CEP112: variants seen among roughly 807,000 people sequenced by gnomAD.
CEP112 encodes the protein centrosomal protein 112.
In CEP112, 127 loss-of-function variants were observed where a neutral mutation model predicts 153.0. That is an observed-to-expected ratio of 0.83 (90% CI 0.72 to 0.96). The LOEUF is 0.96. CEP112 is among the 40% of genes least tolerant of loss of function. CEP112 has a pLI of 0.00. For missense variants in CEP112, 1,089 were observed against 1,101.2 expected (o/e 0.99, Z 0.16); for synonymous variants, 358 against 374.4 (o/e 0.96, Z 0.51).
At chr17:65,770,361 T>C (rs1418519683) in intron 21 of CEP112, among the ~76,000 whole-genome samples, 1 of 151,686 alleles carries the variant, frequency 6.6e-6, no homozygotes, top group Non-Finnish European at 1.5e-5. Flanking sequence ...AAAAAAAAAA[T>C]CTGTTAATCT....
chr17:65,922,092 T>A (rs747576053), intron 19 of CEP112, among the ~76,000 whole-genome samples: 2 of 152,142 alleles, frequency 1.3e-5, no homozygotes, highest in Non-Finnish European at 2.9e-5. Flanking sequence ...GTAATGCCAC[T>A]AGCATGTATA....
intron 24 of CEP112, among the ~76,000 whole-genome samples, chr17:65,650,034 ACCT>A (rs1041280599): frequency 6.6e-6 from 1 of 152,198 alleles, no homozygotes; most frequent in African/African-American, 2.4e-5. Context: ...CCACCTGCTA[ACCT>A]CCTGCAACTC....
intron 20 of CEP112, among the ~76,000 whole-genome samples, chr17:65,853,472 T>G (rs1355855861): frequency 6.6e-6 from 1 of 152,180 alleles, no homozygotes; most frequent in African/African-American, 2.4e-5. Flanking sequence ...GACTCATGTC[T>G]GTAATCCCAG....
chr17:65,836,138 T>A (rs1038014811), intron 21 of CEP112, among the ~76,000 whole-genome samples: 1 of 151,974 alleles, frequency 6.6e-6, no homozygotes, highest in Non-Finnish European at 1.5e-5. Context: ...TAGCACAGAA[T>A]CAATAGATAC....
chr17:66,125,952 A>T (rs1307189509), intron 6 of CEP112, among the ~76,000 whole-genome samples: 2 of 152,204 alleles, frequency 1.3e-5, no homozygotes, highest in Non-Finnish European at 2.9e-5. Flanking sequence ...AATAATGACC[A>T]TGATTTTTAG....
chr17:65,839,756 C>T (rs572221986), intron 21 of CEP112, among the ~76,000 whole-genome samples: 2 of 151,848 alleles, frequency 1.3e-5, no homozygotes, highest in Non-Finnish European at 2.9e-5. Flanking sequence ...ACAACATGAT[C>T]ATATATTAAG....
rs192367889 is a variant in CEP112, at chr17:65,866,637, C to T, written c.2164-14603G>A. The stretch of plus-strand genomic sequence containing the variant: ...CCCCTCTGAGGCCCATAAAAAGCCC[C>T]GGACCCAGCCATATCAGAAGAGACA... On this transcript the variant is annotated intron_variant, in intron 20 of 26. Coordinates refer to ENST00000535342, the MANE Select transcript of CEP112 (RefSeq NM_001199165.4). Among the ~76,000 whole-genome samples the T allele has an allele frequency of 8.6e-3, 1,315 of 152,220 alleles. 21 individuals carry two copies. The highest frequency in any genetic ancestry group is 0.016 in the Non-Finnish European group (1,064 of 67,996).
intron 6 of CEP112, among the ~76,000 whole-genome samples, chr17:66,128,502 C>T (rs2069969173): frequency 6.6e-6 from 1 of 152,016 alleles, no homozygotes; most frequent in South Asian, 2.1e-4. Flanking sequence ...ATAACAATCC[C>T]TAATGTCAGT....
chr17:65,885,405 C>CT (rs1329076259), intron 20 of CEP112, among the ~76,000 whole-genome samples: 1 of 152,022 alleles, frequency 6.6e-6, no homozygotes, highest in Non-Finnish European at 1.5e-5. Flanking sequence ...TCATAAATGA[C>CT]TTTTTTCCAG....
At chr17:66,138,288 G>C (rs867585298) in intron 4 of CEP112, among the ~76,000 whole-genome samples, 2 of 152,188 alleles carry the variant, frequency 1.3e-5, no homozygotes, top group African/African-American at 4.8e-5. Context: ...AATCATGATA[G>C]GTGAGGGGTC....
At chr17:66,058,833 C>G (rs1258218619) in intron 11 of CEP112, among the ~76,000 whole-genome samples, 1 of 152,130 alleles carries the variant, frequency 6.6e-6, no homozygotes, top group Non-Finnish European at 1.5e-5. Context: ...GACTGGGTGA[C>G]AGAGCAAGAC....
At chr17:65,964,039 G>T (rs1292813571) in intron 17 of CEP112, among the ~76,000 whole-genome samples, 1 of 152,168 alleles carries the variant, frequency 6.6e-6, no homozygotes. Flanking sequence ...GCCATTCCAG[G>T]TCATGAGGCA....
chr17:65,997,476 T>C lies in CEP112; in HGVS notation c.1736+8214A>G, dbSNP rs544525157. Among the ~76,000 whole-genome samples the C allele has an allele frequency of 2.0e-5, 3 of 152,268 alleles. No homozygotes were observed. In the South Asian group the frequency reaches 6.2e-4, roughly 32 times the overall value. ...TCCAGAAACCTGGTTTACACTCTGCTCCACTCCTTACTGGCTTAAGTGATT... is the reference window on the plus strand; with the variant it reads ...TCCAGAAACCTGGTTTACACTCTGCCCCACTCCTTACTGGCTTAAGTGATT... On this transcript the variant is annotated intron_variant, in intron 17 of 26. Transcript: ENST00000535342.
In CEP112 at chr17:65,660,177, CTCCT is replaced by C. The variant is rs71158401; in HGVS notation, c.2698-19116_2698-19113del. On this transcript the variant is annotated intron_variant, in intron 24 of 26. Coordinates refer to ENST00000535342, the MANE Select transcript of CEP112 (RefSeq NM_001199165.4). ...ATTGGAGACTAATATACCTTGATTT[CTCCT>C]TCCTTCCTTCCTTCCTTCCTTCCTT... Among the ~76,000 whole-genome samples the C allele has an allele frequency of 1.5e-3, 209 of 139,480 alleles. 3 individuals carry two copies. The East Asian group carries it at 0.017, about 11-fold the overall frequency. The allele number at this position is 139,480 out of a possible 152,430, so 91.5% of individuals were successfully genotyped here. A position where few individuals can be genotyped will look rare whatever the true frequency, so the allele number is the denominator to read the frequency against.
chr17:65,951,749 C>CCCACCCCG (rs71160510), intron 18 of CEP112, among the ~76,000 whole-genome samples: 2 of 106,146 alleles, frequency 1.9e-5, no homozygotes, highest in Non-Finnish European at 4.0e-5. Context: ...CCCCGCCCCC[C>CCCACCCCG]CCTTTCTTCC....
At chr17:65,860,064 G>GT (rs2058262922) in intron 20 of CEP112, among the ~76,000 whole-genome samples, 1 of 149,594 alleles carries the variant, frequency 6.7e-6, no homozygotes, top group African/African-American at 2.5e-5. Flanking sequence ...ATGCCATGAC[G>GT]GTATATATAA....
At position 65,894,403 on chromosome 17, in the gene CEP112, A is replaced by G. The variant is rs573027560; in HGVS notation, c.2163+7749T>C. On this transcript the variant is annotated intron_variant, in intron 20 of 26. Coordinates refer to ENST00000535342, the MANE Select transcript of CEP112 (RefSeq NM_001199165.4). Reference sequence around the variant, plus strand: ...AATTATACCCTTGTATCGGTATGAAAAAATCTCCAGGTTTGAACTTCATAA... The same window carrying G: ...AATTATACCCTTGTATCGGTATGAAGAAATCTCCAGGTTTGAACTTCATAA... Among the ~76,000 whole-genome samples, 7 of 152,232 alleles carry G rather than the reference A, an allele frequency of 4.6e-5. No homozygotes were observed. In the South Asian group the frequency reaches 1.2e-3, roughly 27 times the overall value.
intron 20 of CEP112, among the ~76,000 whole-genome samples, chr17:65,868,608 T>A (rs986730825): frequency 6.6e-6 from 1 of 152,092 alleles, no homozygotes; most frequent in African/African-American, 2.4e-5. Context: ...AAGGACAGCA[T>A]ACACATTAAA....
intron 23 of CEP112, among the ~76,000 whole-genome samples, chr17:65,722,648 A>G (rs2049954967): frequency 6.6e-6 from 1 of 152,250 alleles, no homozygotes; most frequent in Admixed American, 6.5e-5. Context: ...AAGAAAACAG[A>G]TTCACATGAA....
Sources: allele counts gnomAD v4.1 joint callset (sites outside exome capture counted in the v4.1 genomes callset), GRCh38; gene constraint gnomAD v4.1.1; transcripts MANE v1.5; gene names NCBI Gene and HGNC (gene_info 2026-07-23, HGNC 2026-07-21).